The following SCHIP1 variants were observed in gnomAD, a reference collection of about 807,000 sequenced individuals.
The protein encoded by SCHIP1 is schwannomin-interacting protein 1.
Under a neutral mutation model 29.7 loss-of-function variants are expected in SCHIP1, and 8 were observed. That is an observed-to-expected ratio of 0.27 (90% CI 0.16 to 0.49). The LOEUF is 0.49. SCHIP1 is among the 20% of genes least tolerant of loss of function. The pLI is 0.99. For missense variants in SCHIP1, 193 were observed against 294.6 expected (o/e 0.66, Z 2.52); for synonymous variants, 76 against 94.9 (o/e 0.80, Z 1.16).
the SCHIP1 span, among the ~76,000 whole-genome samples, chr3:159,827,518 A>G: frequency 6.6e-6 from 1 of 152,214 alleles, no homozygotes; most frequent in Admixed American, 6.5e-5. Flanking sequence ...ACGTTATCCT[A>G]CAAAATAATT....
At chr3:159,692,200 T>C in the SCHIP1 span, among the ~76,000 whole-genome samples, 4 of 152,116 alleles carry the variant, frequency 2.6e-5, no homozygotes, top group East Asian at 5.8e-4. Flanking sequence ...TGATTATGTG[T>C]CTTGAGGTTG....
the SCHIP1 span, among the ~76,000 whole-genome samples, chr3:159,620,764 G>A: frequency 6.6e-6 from 1 of 152,222 alleles, no homozygotes; most frequent in East Asian, 1.9e-4. Context: ...CTTGTTGGGT[G>A]TAGAGATCAG....
chr3:159,428,357 C>A, the SCHIP1 span, among the ~76,000 whole-genome samples: 2 of 150,630 alleles, frequency 1.3e-5, no homozygotes, highest in Non-Finnish European at 3.0e-5. Context: ...AAGAAAAAAA[C>A]AAACAACCCC....
the SCHIP1 span, among the ~76,000 whole-genome samples, chr3:159,296,591 T>C: frequency 4.6e-5 from 7 of 152,038 alleles, no homozygotes; most frequent in African/African-American, 1.7e-4. Flanking sequence ...CTGGCCAACA[T>C]GGCGAAACCC....
At chr3:159,325,684 T>C in the SCHIP1 span, among the ~76,000 whole-genome samples, 1 of 152,096 alleles carries the variant, frequency 6.6e-6, no homozygotes, top group Non-Finnish European at 1.5e-5. Flanking sequence ...GAAAATTTCT[T>C]TTTTTTAATT....
At chr3:159,313,403 A>G in the SCHIP1 span, among the ~76,000 whole-genome samples, 1 of 152,228 alleles carries the variant, frequency 6.6e-6, no homozygotes, top group African/African-American at 2.4e-5. Flanking sequence ...CAGCCACTAC[A>G]TTTTGTTGGC....
the SCHIP1 span, among the ~76,000 whole-genome samples, chr3:159,521,369 A>C: frequency 6.6e-6 from 1 of 152,250 alleles, no homozygotes; most frequent in South Asian, 2.1e-4. Context: ...TATTTGTTCC[A>C]TGCAAATAAC....
At chr3:159,715,606 C>T in the SCHIP1 span, among the ~76,000 whole-genome samples, 1 of 152,190 alleles carries the variant, frequency 6.6e-6, no homozygotes, top group East Asian at 1.9e-4. Flanking sequence ...GTGATGCATG[C>T]ACAAGCTTCA....
chr3:159,607,440 G>A, the SCHIP1 span, among the ~76,000 whole-genome samples: 1 of 152,088 alleles, frequency 6.6e-6, no homozygotes, highest in African/African-American at 2.4e-5. Context: ...AACAGAGATC[G>A]ATAAGGGAGG....
At chr3:159,802,157 G>A in the SCHIP1 span, among the ~76,000 whole-genome samples, 2 of 152,304 alleles carry the variant, frequency 1.3e-5, no homozygotes, top group South Asian at 2.1e-4. Context: ...TGTGCTGGGT[G>A]CATTGTCCAT....
At chr3:159,582,783 T>TACACAC in the SCHIP1 span, among the ~76,000 whole-genome samples, 1,010 of 84,112 alleles carry the variant, frequency 0.012, 9 homozygotes, top group African/African-American at 0.036. Flanking sequence ...CTGAAATATA[T>TACACAC]ATATACACAC....
At chr3:159,734,550 C>T in the SCHIP1 span, among the ~76,000 whole-genome samples, 1 of 152,150 alleles carries the variant, frequency 6.6e-6, no homozygotes, top group East Asian at 1.9e-4. Flanking sequence ...ACATATGGAT[C>T]TTACAACTTC....
the SCHIP1 span, among the ~76,000 whole-genome samples, chr3:159,575,995 A>G: frequency 1.3e-4 from 20 of 152,298 alleles, no homozygotes; most frequent in South Asian, 4.1e-3. Context: ...TCTAGGCTCA[A>G]TTTAATTTTC....
chr3:159,477,084 TC>T, the SCHIP1 span, among the ~76,000 whole-genome samples: 4 of 152,148 alleles, frequency 2.6e-5, no homozygotes, highest in African/African-American at 9.7e-5. Context: ...TTGCATAGTG[TC>T]CTCCAGATTC....
the SCHIP1 span, among the ~76,000 whole-genome samples, chr3:159,512,321 C>A: frequency 1.7e-4 from 26 of 152,118 alleles, no homozygotes; most frequent in Admixed American, 1.3e-4. Context: ...ATTAGACTGG[C>A]AGTAATTTAG....
the SCHIP1 span, among the ~76,000 whole-genome samples, chr3:159,533,256 A>C: frequency 5.3e-5 from 8 of 152,084 alleles, no homozygotes; most frequent in African/African-American, 1.9e-4. Context: ...GGGTTGGGGA[A>C]GGGGACAGGG....
At chr3:159,474,741 T>C in the SCHIP1 span, among the ~76,000 whole-genome samples, 1 of 152,160 alleles carries the variant, frequency 6.6e-6, no homozygotes, top group African/African-American at 2.4e-5. Context: ...ATATCCCACC[T>C]AATAGCCAAA....
chr3:159,656,299 C>T, the SCHIP1 span, among the ~76,000 whole-genome samples: 3 of 152,256 alleles, frequency 2.0e-5, no homozygotes, highest in East Asian at 5.8e-4. Context: ...AATCCAAGTT[C>T]AATAAAGGTT....
the SCHIP1 span, among the ~76,000 whole-genome samples, chr3:159,375,518 C>T: frequency 6.6e-6 from 1 of 152,118 alleles, no homozygotes; most frequent in East Asian, 1.9e-4. Context: ...AGGTGGATCA[C>T]GAGGTCAGGA....
Sources: allele counts gnomAD v4.1 joint callset (sites outside exome capture counted in the v4.1 genomes callset), GRCh38; gene constraint gnomAD v4.1.1; transcripts MANE v1.5; gene names NCBI Gene and HGNC (gene_info 2026-07-23, HGNC 2026-07-21).